PUM3: variants seen among roughly 807,000 people sequenced by gnomAD.
PUM3 encodes pumilio homolog 3.
In PUM3, 91 loss-of-function variants were observed where a neutral mutation model predicts 84.0. The observed-to-expected ratio is 1.08, with a 90% CI of 0.91 to 1.29. PUM3 has a LOEUF of 1.29. Among genes scored for constraint, PUM3 ranks in the 50% most tolerant of loss-of-function variants. The pLI, the probability that PUM3 is intolerant of heterozygous loss-of-function variation, is 0.00. For synonymous variants in PUM3, 321 were observed against 266.7 expected (o/e 1.20, Z -1.98); for missense variants, 1,067 against 767.5 (o/e 1.39, Z -4.61).
intron 13 of PUM3, among the ~76,000 whole-genome samples, chr9:2,818,770 G>A (rs1821524384): frequency 6.6e-6 from 1 of 152,140 alleles, no homozygotes; most frequent in Non-Finnish European, 1.5e-5. Flanking sequence ...AACAGTCAAG[G>A]GTAAAGTTGG....
intron 13 of PUM3, 145 bp from the exon 14 acceptor site, chr9:2,812,507 A>G: frequency 1.7e-6 from 1 of 590,316 alleles, no homozygotes; most frequent in South Asian, 2.4e-5. Flanking sequence ...TGTGCTGCCA[A>G]AGTGAGCACA....
intron 7 of PUM3, among the ~76,000 whole-genome samples, chr9:2,830,480 C>G (rs1448363066): frequency 2.6e-5 from 4 of 152,184 alleles, no homozygotes; most frequent in Admixed American, 6.5e-5. Context: ...TCACCTGTCC[C>G]TCCCCAGTCT....
Position 2,834,056 on chromosome 9 carries a change from T to G in PUM3, c.415A>C (p.Lys139Gln). ...CTTCTTAAAATCTCCCACATCTGCT[T>G]TGCCCGAACAACAATGTCATAGTTG... ...KTNYDIVVRA[K>Q]QMWEILRRKD... The change falls in exon 4 of 18, where the codon AAG (lysine) becomes CAG (glutamine). Residue 139 changes from lysine to glutamine, a missense_variant. Transcript: ENST00000397885. 1 of 1,613,580 alleles carries G rather than the reference T, an allele frequency of 6.2e-7. No homozygotes were observed. The highest frequency in any genetic ancestry group is 8.5e-7 in the Non-Finnish European group (1 of 1,179,744).
rs73639221 is a variant in PUM3 at position 2,812,125 on chromosome 9, G to C, written c.1412+95C>G. On this transcript the variant is annotated intron_variant, in intron 14 of 17. Coordinates refer to ENST00000397885, the MANE Select transcript of PUM3 (RefSeq NM_014878.5). The stretch of plus-strand genomic sequence containing the variant: ...GGAATTCACCTTTTCAGCAGTTTTA[G>C]AGAGGGTATGGATGGGTAAGTGGAC... 8.0e-4 allele frequency: 812 copies of C among 1,013,636 alleles called. 4 individuals are homozygous for C. The African/African-American group carries it at 0.01, about 13-fold the overall frequency. The allele number at this position is 1,013,636 out of a possible 1,614,324, so 62.8% of individuals were successfully genotyped here.
At position 2,820,050 on chromosome 9, in the gene PUM3, C is replaced by A. The variant is rs1196563253; in HGVS notation, c.1237G>T (p.Asp413Tyr). 6.2e-7 allele frequency: 1 copy of A among 1,612,362 alleles called. No homozygotes were observed. The stretch of plus-strand genomic sequence containing the variant: ...ATTATCTGCTTCACAAGCTTAGTAT[C>A]ATCAATACAATCAAATGCCGCCAGT... ...VLLAAFDCID[D>Y]TKLVKQIIIS... Residue 413 changes from aspartate (D) to tyrosine (Y), a missense_variant, in exon 13 of 18, where the codon GAT becomes TAT. Coordinates refer to ENST00000397885, the MANE Select transcript of PUM3 (RefSeq NM_014878.5).
chr9:2,811,427 C>A lies in PUM3; in HGVS notation c.1569G>T (p.Gln523His). 4.3e-6 allele frequency: 7 copies of A among 1,614,168 alleles called. No homozygotes were observed. The highest frequency in any genetic ancestry group is 5.9e-6 in the Non-Finnish European group (7 of 1,180,032). The change falls in exon 15 of 18, where the codon CAG becomes CAT. Residue 523 changes from glutamine to histidine, a missense_variant. Gln to His is a conservative substitution (Grantham distance 24). Transcript: ENST00000397885. ...DILGSATGDV[Q>H]PTMNAIASLA... The stretch of plus-strand genomic sequence containing the variant: ...AGCTGGCGATGGCATTCATGGTAGG[C>A]TGAACGTCTCCAGTGGCAGATCCCA...
At chr9:2,821,741 G>C (rs998810255) in intron 12 of PUM3, among the ~76,000 whole-genome samples, 3 of 152,164 alleles carry the variant, frequency 2.0e-5, no homozygotes, top group African/African-American at 7.2e-5. Context: ...AGCTGATCCA[G>C]TGATTCTAGT....
intron 12 of PUM3, among the ~76,000 whole-genome samples, chr9:2,823,123 C>T (rs1815710357): frequency 6.6e-6 from 1 of 151,964 alleles, no homozygotes; most frequent in Middle Eastern, 3.4e-3. Context: ...ATTGTATTCA[C>T]TACATATATT....
intron 12 of PUM3, among the ~76,000 whole-genome samples, chr9:2,822,506 G>A (rs1050060597): frequency 2.6e-5 from 4 of 151,584 alleles, no homozygotes; most frequent in African/African-American, 9.7e-5. Flanking sequence ...AAAAAGATAT[G>A]TACTTAGTGT....
Position 2,813,610 on chromosome 9 carries a change from T to C in PUM3, c.1270-1248A>G, listed in dbSNP as rs186135665. Among the ~76,000 whole-genome samples, 11 of 152,300 alleles carry C rather than the reference T, an allele frequency of 7.2e-5. No individual in the cohort carries two copies. The East Asian group carries it at 2.1e-3, about 29-fold the overall frequency. On this transcript the variant is annotated intron_variant, in intron 13 of 17. Coordinates refer to ENST00000397885, the MANE Select transcript of PUM3 (RefSeq NM_014878.5). ...AGGAAGGGAATTCTCTCTGAGATGA[T>C]ATATTCAGATCTGCTCTTCTTAAAA... is the stretch of plus-strand genomic sequence containing the variant.
In PUM3 at chr9:2,831,358, T is replaced by C. The variant is rs771259853; in HGVS notation, c.517-14A>G. 1 of 1,538,910 alleles carries C rather than the reference T, an allele frequency of 6.5e-7. No individual in the cohort carries two copies. Among genetic ancestry groups the C allele is most frequent in the South Asian group, 1.1e-5 (1 of 87,624 alleles). On this transcript the variant is annotated splice_polypyrimidine_tract_variant and intron_variant, in intron 5 of 17. Coordinates refer to ENST00000397885, the MANE Select transcript of PUM3 (RefSeq NM_014878.5). ...TGCAAATGCAATCTGCAGGAAAAAG[T>C]TTGAGTTAGACTAATTCTCTTTTGA...
At chr9:2,831,769 G>A in intron 5 of PUM3, among the ~76,000 whole-genome samples, 1 of 152,158 alleles carries the variant, frequency 6.6e-6, no homozygotes, top group East Asian at 1.9e-4. Context: ...TTGGCAACCA[G>A]AAGTATACCT....
intron 5 of PUM3, among the ~76,000 whole-genome samples, chr9:2,833,082 T>C (rs1328038870): frequency 6.6e-6 from 1 of 152,192 alleles, no homozygotes; most frequent in South Asian, 2.1e-4. Flanking sequence ...ACTGAACTAA[T>C]AAACTTCTCA....
Position 2,820,103 on chromosome 9 carries a change from A to C in PUM3, c.1189-5T>G, listed in dbSNP as rs752672551. The C allele has an allele frequency of 6.2e-7, 1 of 1,600,828 alleles. No homozygotes were observed. The highest frequency in any genetic ancestry group is 8.6e-7 in the Non-Finnish European group (1 of 1,168,554). ...AACCAAATGGGAGTATTGGCCCTGC[A>C]AGAATTGGAAGCCAGCAAAGGTTAA... is the stretch of plus-strand genomic sequence containing the variant. On this transcript the variant is annotated splice_region_variant and splice_polypyrimidine_tract_variant and intron_variant, in intron 12 of 17. Coordinates refer to ENST00000397885, the MANE Select transcript of PUM3 (RefSeq NM_014878.5).
At chr9:2,829,529 G>C (rs1815915003) in intron 8 of PUM3, among the ~76,000 whole-genome samples, 1 of 152,214 alleles carries the variant, frequency 6.6e-6, no homozygotes, top group Non-Finnish European at 1.5e-5. Flanking sequence ...GCTACACACA[G>C]AGCACTCAGG....
intron 16 of PUM3, among the ~76,000 whole-genome samples, chr9:2,809,033 A>G (rs1821314993): frequency 6.6e-6 from 1 of 152,172 alleles, no homozygotes; most frequent in Non-Finnish European, 1.5e-5. Flanking sequence ...AACAGTCAGT[A>G]CTCACTTGCC....
intron 17 of PUM3, among the ~76,000 whole-genome samples, chr9:2,806,231 A>C (rs1396967250): frequency 2.6e-5 from 4 of 152,164 alleles, no homozygotes; most frequent in Non-Finnish European, 4.4e-5. Context: ...AACACTCCAA[A>C]TGCCTGGTAA....
Position 2,821,002 on chromosome 9 carries a change from C to T in PUM3, c.1189-904G>A, listed in dbSNP as rs532870778. On this transcript the variant is annotated intron_variant, in intron 12 of 17. Coordinates refer to ENST00000397885, the MANE Select transcript of PUM3 (RefSeq NM_014878.5). ...ATAGGAATTTGATTTTTGATAATAG[C>T]CCACAATCATTCAGAGCCAGATCTG... Among the ~76,000 whole-genome samples, 3 of 152,178 alleles carry T rather than the reference C, an allele frequency of 2.0e-5. No individual in the cohort carries two copies. The South Asian group carries it at 6.2e-4, about 32-fold the overall frequency.
Position 2,820,047 on chromosome 9 carries a change from T to TATC in PUM3, c.1237_1239dup (p.Asp413dup), listed in dbSNP as rs753289635. 6.2e-7 allele frequency: 1 copy of TATC among 1,612,082 alleles called. No homozygotes were observed. Among genetic ancestry groups the TATC allele is most frequent in the Non-Finnish European group, 8.5e-7 (1 of 1,178,394 alleles). The stretch of plus-strand genomic sequence containing the variant: ...ATGATTATCTGCTTCACAAGCTTAG[T>TATC]ATCATCAATACAATCAAATGCCGCC... On this transcript the variant is annotated inframe_insertion, in exon 13 of 18. Coordinates refer to ENST00000397885, the MANE Select transcript of PUM3 (RefSeq NM_014878.5).
Sources: gnomAD v4.1 joint callset for allele counts (sites outside exome capture counted in the v4.1 genomes callset) on GRCh38, gnomAD v4.1.1 for gene constraint, MANE v1.5 for transcripts, NCBI Gene and HGNC (gene_info 2026-07-23, HGNC 2026-07-21) for gene names.